The following SCG3 variants were observed in gnomAD, a reference collection of about 807,000 sequenced individuals.
SCG3 encodes the protein secretogranin III, also known as secretogranin-3.
SCG3 carries 38 observed loss-of-function variants against 56.2 expected under a neutral mutation model. The ratio of observed to expected loss-of-function variants is 0.68; its 90% confidence interval spans 0.52 to 0.89. SCG3 has a LOEUF of 0.89. Among genes scored for constraint, SCG3 ranks in the 40% least tolerant of loss-of-function variants. SCG3 has a pLI of 0.00. For missense variants in SCG3, 524 were observed against 540.7 expected (o/e 0.97, Z 0.31); for synonymous variants, 176 against 184.2 (o/e 0.96, Z 0.36).
rs1192041417 is a variant in SCG3 at position 51,684,393 on chromosome 15, A to G, written c.397+959A>G. 2.6e-5 allele frequency among the ~76,000 whole-genome samples: 4 copies of G among 152,182 alleles called. No individual in the cohort carries two copies. The East Asian group carries it at 7.7e-4, about 29-fold the overall frequency. ...GGAGTTCAAGACCAACCTGGCCAAC[A>G]TGGTGAAACCCCATCTCTACTAAAA... is the stretch of plus-strand genomic sequence containing the variant. On this transcript the variant is annotated intron_variant, in intron 4 of 11. Coordinates refer to ENST00000220478, the MANE Select transcript of SCG3 (RefSeq NM_013243.4).
rs992045491 is a variant in SCG3 at position 51,695,709 on chromosome 15, C to G, written c.869-166C>G. 5.3e-6 allele frequency: 3 copies of G among 565,992 alleles called. No individual in the cohort carries two copies. The South Asian group carries it at 6.6e-5, about 12-fold the overall frequency. 35.1% of individuals were successfully genotyped at this position (565,992 alleles called of 1,614,324 possible). ...AGACTGTAGTGAGCCATGATCAGAC[C>G]GGAGAATAGCCACTGCATTCCAGCC... On this transcript the variant is annotated intron_variant, in intron 7 of 11. Coordinates refer to ENST00000220478, the MANE Select transcript of SCG3 (RefSeq NM_013243.4).
intron 7 of SCG3, 111 bp from the exon 8 acceptor site, chr15:51,695,764 A>G: frequency 1.7e-6 from 1 of 596,470 alleles, no homozygotes; most frequent in East Asian, 3.2e-5. Context: ...TCGTCTTTGA[A>G]AAAAAAAAAA....
intron 6 of SCG3, among the ~76,000 whole-genome samples, chr15:51,690,477 T>C (rs2055259521): frequency 6.6e-6 from 1 of 152,124 alleles, no homozygotes; most frequent in African/African-American, 2.4e-5. Flanking sequence ...TAGAGGCTGA[T>C]GGTTCTGTTT....
At chr15:51,710,299 T>C (rs979296893) in intron 10 of SCG3, among the ~76,000 whole-genome samples, 7 of 152,136 alleles carry the variant, frequency 4.6e-5, no homozygotes, top group African/African-American at 1.7e-4. Flanking sequence ...TTCTGATGGA[T>C]AAAAATAAAG....
intron 6 of SCG3, 152 bp downstream of exon 6, chr15:51,689,520 A>T: frequency 9.9e-7 from 1 of 1,006,190 alleles, no homozygotes; most frequent in East Asian, 2.7e-5. Flanking sequence ...TTCAGGCCAG[A>T]CATGTTGGCT....
intron 9 of SCG3, 103 bp from the exon 10 acceptor site, chr15:51,701,004 C>G: frequency 1.4e-6 from 2 of 1,438,860 alleles, no homozygotes; most frequent in Non-Finnish European, 1.9e-6. Context: ...AAAATATGAT[C>G]TGAGCTCAAA....
rs117552794 is a variant in SCG3 at position 51,698,820 on chromosome 15, C to T, written c.986-499C>T. Among the ~76,000 whole-genome samples, 338 of 151,704 alleles carry T rather than the reference C, an allele frequency of 2.2e-3. 1 individual carries two copies. The highest frequency in any genetic ancestry group is 3.4e-3 in the Middle Eastern group (1 of 294). The stretch of plus-strand genomic sequence containing the variant: ...AGAGAGCCTCTTTCTACCAGTGGTC[C>T]TACCATTGAGTCTCACTGACCTGGA... On this transcript the variant is annotated intron_variant, in intron 8 of 11. Coordinates refer to ENST00000220478, the MANE Select transcript of SCG3 (RefSeq NM_013243.4).
chr15:51,682,462 C>T (rs1265895263), intron 1 of SCG3, 55 bp from the exon 2 acceptor site: 7 of 858,446 alleles, frequency 8.2e-6, no homozygotes, highest in African/African-American at 1.8e-5. Flanking sequence ...TAATAAGAGG[C>T]ATATTTTGTC....
At chr15:51,707,668 C>T (rs1009806331) in intron 10 of SCG3, among the ~76,000 whole-genome samples, 1 of 152,186 alleles carries the variant, frequency 6.6e-6, no homozygotes, top group East Asian at 1.9e-4. Flanking sequence ...TGGCCTTGAA[C>T]CCATGTTTTC....
At chr15:51,687,529 C>CA (rs932909193) in intron 4 of SCG3, among the ~76,000 whole-genome samples, 1 of 152,136 alleles carries the variant, frequency 6.6e-6, no homozygotes, top group African/African-American at 2.4e-5. Flanking sequence ...CTAGGAGAGC[C>CA]AAGGGAGCAT....
chr15:51,708,722 G>T (rs1479850459), intron 10 of SCG3, among the ~76,000 whole-genome samples: 1 of 152,068 alleles, frequency 6.6e-6, no homozygotes, highest in African/African-American at 2.4e-5. Flanking sequence ...GCTGGACAAA[G>T]TGGCGGGTGC....
intron 10 of SCG3, among the ~76,000 whole-genome samples, chr15:51,712,939 C>T (rs996259376): frequency 6.6e-6 from 1 of 152,138 alleles, no homozygotes; most frequent in Non-Finnish European, 1.5e-5. Context: ...TCATTCAAGT[C>T]CTTGGCTTGA....
At chr15:51,682,432 CT>C in intron 1 of SCG3, 84 bp from the exon 2 acceptor site, 1 of 653,040 alleles carries the variant, frequency 1.5e-6, no homozygotes, top group South Asian at 2.0e-5. Context: ...AATATTTTTC[CT>C]TTTTATAAAA....
Position 51,701,348 on chromosome 15 carries a change from A to C in SCG3, c.1207+104A>C, listed in dbSNP as rs150880660. On this transcript the variant is annotated intron_variant, in intron 10 of 11. Transcript: ENST00000220478. ...AGAGCAAGCTCCATCACATCTGAGA[A>C]ATTGACACAATCTGTATAGAACAGG... The C allele has an allele frequency of 6.0e-6, 7 of 1,163,390 alleles. No homozygotes were observed. In the African/African-American group the frequency reaches 6.3e-5, roughly 10 times the overall value. The allele number at this position is 1,163,390 out of a possible 1,614,324, so 72.1% of individuals were successfully genotyped here. A position where few individuals can be genotyped will look rare whatever the true frequency, so the allele number is the denominator to read the frequency against.
Position 51,681,571 on chromosome 15 carries a change from C to T in SCG3, c.-185C>T. On this transcript the variant is annotated 5_prime_UTR_variant, in exon 1 of 12. Coordinates refer to ENST00000220478, the MANE Select transcript of SCG3 (RefSeq NM_013243.4). ...CCTGGAGACTTGACTCCCGCGCGCC[C>T]CAACCCTGCTTATCCCTTGACCGTC... 5.0e-6 allele frequency: 3 copies of T among 597,000 alleles called. No individual in the cohort carries two copies. In the East Asian group the frequency reaches 8.4e-5, roughly 17 times the overall value. The allele number at this position is 597,000 out of a possible 1,614,324, so 37.0% of individuals were successfully genotyped here.
At chr15:51,699,236 TG>T in intron 8 of SCG3, 82 bp from the exon 9 acceptor site, 1 of 940,242 alleles carries the variant, frequency 1.1e-6, no homozygotes, top group Non-Finnish European at 1.7e-6. Flanking sequence ...GTGATATTTC[TG>T]GTGAGATTTA....
At chr15:51,715,256 G>A (rs1323773282) in intron 11 of SCG3, 2 of 152,144 alleles carry the variant, frequency 1.3e-5, no homozygotes, top group East Asian at 3.9e-4. Context: ...TTTTGTCTCT[G>A]GGAAATATGC....
chr15:51,710,752 A>ATTTTTTTTTTTT (rs60536489), intron 10 of SCG3, among the ~76,000 whole-genome samples: 2 of 105,270 alleles, frequency 1.9e-5, no homozygotes, highest in Non-Finnish European at 3.8e-5. Context: ...TGCCTGGCTA[A>ATTTTTTTTTTTT]TTTTTTTTTT....
Position 51,719,453 on chromosome 15 carries a change from A to G in SCG3, c.1334A>G (p.Asp445Gly). 1.9e-6 allele frequency: 3 copies of G among 1,614,126 alleles called. No homozygotes were observed. The highest frequency in any genetic ancestry group is 8.5e-7 in the Non-Finnish European group (1 of 1,179,980). Residue 445 changes from aspartate to glycine, a missense_variant, in exon 12 of 12, where the codon GAT (aspartate) becomes GGT (glycine). By Grantham distance (94) the Asp-to-Gly change is moderately conservative. Coordinates refer to ENST00000220478, the MANE Select transcript of SCG3 (RefSeq NM_013243.4). Reference protein sequence around the residue: ...KMRDFINKQADAYVEKGILDK... With the variant: ...KMRDFINKQAGAYVEKGILDK... ...AGAGACTTCATCAATAAACAAGCTG[A>G]TGCTTATGTGGAGAAAGGCATCCTT... is the stretch of plus-strand genomic sequence containing the variant.
Sources: allele counts gnomAD v4.1 joint callset (sites outside exome capture counted in the v4.1 genomes callset), GRCh38; gene constraint gnomAD v4.1.1; transcripts MANE v1.5; gene names NCBI Gene and HGNC (gene_info 2026-07-23, HGNC 2026-07-21).